The following DCUN1D4 variants were observed in gnomAD, a reference collection of about 807,000 sequenced individuals.
DCUN1D4 encodes the protein defective in cullin neddylation 1 domain containing 4.
In DCUN1D4, 22 loss-of-function variants were observed where a neutral mutation model predicts 47.9. That is an observed-to-expected ratio of 0.46 (90% CI 0.33 to 0.66). The LOEUF is 0.66. Among genes scored for constraint, DCUN1D4 ranks in the 30% least tolerant of loss-of-function variants. The probability of loss-of-function intolerance (pLI) is 0.02; values close to 1 mark genes in which losing one functional copy is unlikely to be tolerated. For missense variants in DCUN1D4, 301 were observed against 340.8 expected (o/e 0.88, Z 0.92); for synonymous variants, 121 against 112.2 (o/e 1.08, Z -0.50).
intron 1 of DCUN1D4, among the ~76,000 whole-genome samples, chr4:51,852,994 T>C (rs894425438): frequency 6.6e-6 from 1 of 152,152 alleles, no homozygotes; most frequent in Non-Finnish European, 1.5e-5. Context: ...CTTCAGTGGG[T>C]AGTACAGATC....
upstream of DCUN1D4, among the ~76,000 whole-genome samples, chr4:51,838,022 AC>A (rs1307190185): frequency 6.6e-6 from 1 of 152,152 alleles, no homozygotes; most frequent in Non-Finnish European, 1.5e-5. Context: ...TACTAAAAAT[AC>A]AAAATTAGCC....
rs147833373 is a variant in DCUN1D4, at chr4:51,845,211, A to T, written c.25+1944A>T. The T allele has an allele frequency of 7.3e-3, 7,150 of 985,458 alleles. 24 individuals carry two copies. The highest frequency in any genetic ancestry group is 8.0e-3 in the Non-Finnish European group (6,662 of 829,928). 61.0% of individuals were successfully genotyped at this position (985,458 alleles called of 1,614,324 possible). On this transcript the variant is annotated intron_variant, in intron 1 of 10. Coordinates refer to ENST00000334635, the MANE Select transcript of DCUN1D4 (RefSeq NM_001040402.3). ...GTGTGTGTAAGCACTGGGTTCCAGC[A>T]TTCCCTTGCATAAATATGAGAACAC...
At chr4:51,848,591 T>C (rs1387302577) in intron 1 of DCUN1D4, among the ~76,000 whole-genome samples, 1 of 152,226 alleles carries the variant, frequency 6.6e-6, no homozygotes, top group East Asian at 1.9e-4. Flanking sequence ...TTCTCATAGC[T>C]TGCTTTTTTT....
At chr4:51,862,848 G>GA (rs1245257772) in intron 1 of DCUN1D4, among the ~76,000 whole-genome samples, 178 of 142,514 alleles carry the variant, frequency 1.2e-3, no homozygotes, top group Middle Eastern at 3.6e-3. Context: ...GTCTCTACAA[G>GA]AAAAAAAAAA....
At chr4:51,885,729 C>T (rs1351570555) in intron 5 of DCUN1D4, among the ~76,000 whole-genome samples, 1 of 152,026 alleles carries the variant, frequency 6.6e-6, no homozygotes, top group Non-Finnish European at 1.5e-5. Flanking sequence ...AAGGATGAAT[C>T]TTTGCACATC....
chr4:51,901,691 G>T (rs1429328420), intron 8 of DCUN1D4, among the ~76,000 whole-genome samples: 1 of 152,234 alleles, frequency 6.6e-6, no homozygotes, highest in East Asian at 1.9e-4. Context: ...ACATACCCCT[G>T]GTGTCTCCTC....
the DCUN1D4 span, among the ~76,000 whole-genome samples, chr4:51,837,248 G>T: frequency 6.6e-6 from 1 of 152,168 alleles, no homozygotes; most frequent in Non-Finnish European, 1.5e-5. Flanking sequence ...CCCTAGGCAG[G>T]TGTGATTTCC....
At chr4:51,902,156 G>C (rs1732211918) in intron 8 of DCUN1D4, among the ~76,000 whole-genome samples, 1 of 152,160 alleles carries the variant, frequency 6.6e-6, no homozygotes, top group South Asian at 2.1e-4. Flanking sequence ...AACATACCCT[G>C]TATAATTTTT....
chr4:51,888,799 A>G (rs766655252), intron 6 of DCUN1D4, among the ~76,000 whole-genome samples: 5 of 151,000 alleles, frequency 3.3e-5, no homozygotes, highest in Non-Finnish European at 7.4e-5. Context: ...ATTAAAGACT[A>G]AAAGACCATA....
At chr4:51,890,084 TA>T (rs33979107) in intron 6 of DCUN1D4, among the ~76,000 whole-genome samples, 62,358 of 151,958 alleles carry the variant, frequency 0.41, 15,328 homozygotes, top group African/African-American at 0.69. Flanking sequence ...AGCTTCTCCT[TA>T]ACTCCCCTGC....
intron 4 of DCUN1D4, chr4:51,877,510 C>A: frequency 3.6e-6 from 1 of 276,480 alleles, no homozygotes; most frequent in East Asian, 7.8e-5. Flanking sequence ...CTGTTCTGTT[C>A]AGTTCTTACT....
At chr4:51,856,822 G>A (rs1382247608) in intron 1 of DCUN1D4, among the ~76,000 whole-genome samples, 3 of 152,192 alleles carry the variant, frequency 2.0e-5, no homozygotes, top group Admixed American at 2.0e-4. Flanking sequence ...CCTGTGTAAG[G>A]TGAAGATCAT....
upstream of DCUN1D4, among the ~76,000 whole-genome samples, chr4:51,841,094 A>G (rs943697572): frequency 6.6e-6 from 1 of 152,204 alleles, no homozygotes; most frequent in Non-Finnish European, 1.5e-5. Flanking sequence ...ACACATTATT[A>G]TAAAGTATGC....
At chr4:51,876,892 C>A (rs935314692) in intron 4 of DCUN1D4, among the ~76,000 whole-genome samples, 7 of 151,950 alleles carry the variant, frequency 4.6e-5, no homozygotes, top group Non-Finnish European at 1.0e-4. Context: ...TTATATACAC[C>A]ACTAGGTAAT....
chr4:51,897,010 C>G (rs908750543), intron 7 of DCUN1D4, among the ~76,000 whole-genome samples: 1 of 152,212 alleles, frequency 6.6e-6, no homozygotes, highest in Non-Finnish European at 1.5e-5. Context: ...GTCTGTTGGA[C>G]TTACCATACT....
chr4:51,898,346 G>A (rs534336809), intron 7 of DCUN1D4, among the ~76,000 whole-genome samples: 1 of 152,292 alleles, frequency 6.6e-6, no homozygotes, highest in African/African-American at 2.4e-5. Flanking sequence ...GTAAGAAGGG[G>A]ACCTTGTGGC....
At chr4:51,860,028 TATTA>T (rs1724798935) in intron 1 of DCUN1D4, among the ~76,000 whole-genome samples, 1 of 152,230 alleles carries the variant, frequency 6.6e-6, no homozygotes, top group Non-Finnish European at 1.5e-5. Context: ...TTTCAAGGGC[TATTA>T]CTTGCCATGA....
intron 1 of DCUN1D4, among the ~76,000 whole-genome samples, chr4:51,862,825 A>T (rs566203326): frequency 3.3e-4 from 50 of 152,084 alleles, no homozygotes; most frequent in Non-Finnish European, 1.6e-4. Context: ...CCTGGGAAAC[A>T]TAGAAAGACC....
chr4:51,876,439 G>A (rs1355950337), intron 4 of DCUN1D4, among the ~76,000 whole-genome samples: 1 of 152,036 alleles, frequency 6.6e-6, no homozygotes, highest in African/African-American at 2.4e-5. Context: ...GTAGGAGGGA[G>A]GGATAGGATT....
Sources: allele counts gnomAD v4.1 joint callset (sites outside exome capture counted in the v4.1 genomes callset), GRCh38; gene constraint gnomAD v4.1.1; transcripts MANE v1.5; gene names NCBI Gene and HGNC (gene_info 2026-07-23, HGNC 2026-07-21).